Variants in UGT3A1 observed in about 807,000 individuals in gnomAD.
UGT3A1 encodes UDP glycosyltransferase family 3 member A1, also known as UDP-glycosyltransferase 3A1.
In UGT3A1, 40 loss-of-function variants were observed where a neutral mutation model predicts 37.6. The ratio of observed to expected loss-of-function variants is 1.06; its 90% CI spans 0.83 to 1.38. UGT3A1 has a LOEUF of 1.38. Among genes scored for constraint, UGT3A1 ranks in the 40% most tolerant of loss-of-function variants. The pLI, the probability that UGT3A1 is intolerant of heterozygous loss-of-function variation, is 0.00. For synonymous variants in UGT3A1, 256 were observed against 232.3 expected (o/e 1.10, Z -0.93); for missense variants, 642 against 634.2 (o/e 1.01, Z -0.13).
chr5:35,957,124 GA>G, intron 5 of UGT3A1, 63 bp downstream of exon 5: 1 of 1,419,032 alleles, frequency 7.0e-7, no homozygotes, highest in Non-Finnish European at 9.9e-7. Flanking sequence ...CTAGAGGTCA[GA>G]ACACTGACGA....
chr5:35,965,859 A>G lies in UGT3A1; in HGVS notation c.370T>C (p.Leu124=), dbSNP rs1421275221. 5.6e-6 allele frequency: 9 copies of G among 1,608,960 alleles called. 1 individual carries two copies. In the East Asian group the frequency reaches 1.8e-4, roughly 32 times the overall value. ...MEIFGTQCSY[L]LSRKDIMDSL... ...TCCATTATATCCTTTCTGCTTAGCA[A>G]ATAACTACATTGAGTCCCAAATATT... The change falls in exon 4 of 7, where the codon TTG becomes CTG. Residue 124 remains leucine, a synonymous_variant. Transcript: ENST00000274278.
At chr5:35,994,333 TTGTGTGTGTGTGTGTGTG>T (rs35026618), upstream of UGT3A1, among the ~76,000 whole-genome samples, 15 of 138,640 alleles carry the variant, frequency 1.1e-4, no homozygotes, top group East Asian at 6.5e-4. Context: ...TTTGTTTTGT[TTGTGTGTGTGTGTGTGTG>T]TGTGTGTGTG....
chr5:35,996,978 A>C (rs997354750), intron 2 of UGT3A1, among the ~76,000 whole-genome samples: 3 of 152,130 alleles, frequency 2.0e-5, no homozygotes, highest in South Asian at 2.1e-4. Flanking sequence ...GTAGAGAAAA[A>C]CCCAAAGAAA....
chr5:35,988,433 G>A lies in UGT3A1; in HGVS notation c.196+17C>T, dbSNP rs752742360. 1.3e-6 allele frequency: 2 copies of A among 1,562,758 alleles called. No homozygotes were observed. Among genetic ancestry groups the A allele is most frequent in the South Asian group, 1.2e-5 (1 of 83,682 alleles). On this transcript the variant is annotated intron_variant, in intron 2 of 6. Transcript: ENST00000274278. Reference sequence around the variant, plus strand: ...TTAGAGTAAAAGAATATAAAAATTAGTTTTTAAAAAAGATACCTGGGATCA... The same window carrying A: ...TTAGAGTAAAAGAATATAAAAATTAATTTTTAAAAAAGATACCTGGGATCA...
rs943107208 is a variant in UGT3A1, at chr5:35,953,821, T to C, written c.*381A>G. The C allele has an allele frequency of 1.2e-4, 22 of 187,158 alleles. No homozygotes were observed. The highest frequency in any genetic ancestry group is 4.5e-4 in the African/African-American group (19 of 42,672). 11.6% of individuals were successfully genotyped at this position (187,158 alleles called of 1,614,324 possible). A position where few individuals can be genotyped will look rare whatever the true frequency, so the allele number is the denominator to read the frequency against. ...CTGCATAAAATGGAAGAATTTGAAATGGAAGATATGTCAAATATTTCCTGA... is the reference window on the plus strand; with the variant it reads ...CTGCATAAAATGGAAGAATTTGAAACGGAAGATATGTCAAATATTTCCTGA... On this transcript the variant is annotated 3_prime_UTR_variant, in exon 7 of 7. Coordinates refer to ENST00000274278, the MANE Select transcript of UGT3A1 (RefSeq NM_152404.4).
At chr5:35,985,966 G>T (rs1317002439) in intron 2 of UGT3A1, among the ~76,000 whole-genome samples, 2 of 151,960 alleles carry the variant, frequency 1.3e-5, no homozygotes, top group Non-Finnish European at 2.9e-5. Flanking sequence ...TTTTCACAAT[G>T]GATTAATAAC....
In UGT3A1 at chr5:35,957,174, T is replaced by G. The variant is rs771284791; in HGVS notation, c.1075+14A>C. On this transcript the variant is annotated intron_variant, in intron 5 of 6. Transcript: ENST00000274278. Reference sequence around the variant, plus strand: ...GTCAATGGAAAGAGAAGAGCAGACCTAAGCAGTCCTTACCCAGGAGGTCAC... The same window carrying G: ...GTCAATGGAAAGAGAAGAGCAGACCGAAGCAGTCCTTACCCAGGAGGTCAC... The G allele has an allele frequency of 6.2e-7, 1 of 1,610,786 alleles. No homozygotes were observed. The highest frequency in any genetic ancestry group is 8.5e-7 in the Non-Finnish European group (1 of 1,177,330).
rs1561452769 is a variant in UGT3A1, at chr5:35,954,816, T to C, written c.1296-338A>G. 3 of 236,988 alleles carry C rather than the reference T, an allele frequency of 1.3e-5. No homozygotes were observed. The East Asian group carries it at 2.6e-4, about 21-fold the overall frequency. The allele number at this position is 236,988 out of a possible 1,614,324, so 14.7% of individuals were successfully genotyped here. A position where few individuals can be genotyped will look rare whatever the true frequency, so the allele number is the denominator to read the frequency against. ...ATATGACCATATATGAGAGAATATG[T>C]ACCTGATTCAGGGTTTGTGTTTCTG... On this transcript the variant is annotated intron_variant, in intron 6 of 6. Coordinates refer to ENST00000274278, the MANE Select transcript of UGT3A1 (RefSeq NM_152404.4).
intron 2 of UGT3A1, among the ~76,000 whole-genome samples, chr5:35,968,586 T>A (rs756903269): frequency 3.4e-4 from 51 of 152,206 alleles, no homozygotes; most frequent in Non-Finnish European, 6.6e-4. Context: ...AATAGGTTTT[T>A]ATTCAGTCAA....
In UGT3A1 at chr5:35,988,570, G is replaced by A; in HGVS notation, c.95-19C>T. The A allele has an allele frequency of 1.9e-6, 3 of 1,570,056 alleles. No homozygotes were observed. The highest frequency in any genetic ancestry group is 4.5e-5 in the East Asian group (2 of 44,614). Reference sequence around the variant, plus strand: ...CTTCCACCTAGAAACAATGCACAATGTCTTTTGTAAAGATGAAAATAGAGT... The same window carrying A: ...CTTCCACCTAGAAACAATGCACAATATCTTTTGTAAAGATGAAAATAGAGT... On this transcript the variant is annotated intron_variant, in intron 1 of 6. Transcript: ENST00000274278.
intron 4 of UGT3A1, among the ~76,000 whole-genome samples, chr5:35,960,384 TG>T (rs1739529215): frequency 6.6e-6 from 1 of 152,208 alleles, no homozygotes; most frequent in Non-Finnish European, 1.5e-5. Context: ...TTTTGCATTA[TG>T]GTCAAATAAA....
chr5:35,979,569 TA>T (rs150577097), intron 2 of UGT3A1, among the ~76,000 whole-genome samples: 5,812 of 151,990 alleles, frequency 0.038, 373 homozygotes, highest in African/African-American at 0.13. Context: ...TTGTTTTTGT[TA>T]AAAAAAATTC....
In UGT3A1 at chr5:35,991,150, G is replaced by A. The variant is rs745456757; in HGVS notation, c.91C>T (p.Leu31=). Residue 31 remains leucine (L), a synonymous_variant, in exon 1 of 7, where the codon CTG becomes TTG. Coordinates refer to ENST00000274278, the MANE Select transcript of UGT3A1 (RefSeq NM_152404.4). Reference sequence around the variant, plus strand: ...AATTCTCCGGCCAAGCACTCACCCAGTGTAGATATTGTCAGGATTTTGGCA... The same window carrying A: ...AATTCTCCGGCCAAGCACTCACCCAATGTAGATATTGTCAGGATTTTGGCA... ...EAAKILTIST[L]GGSHYLLLDR... The A allele has an allele frequency of 1.2e-6, 2 of 1,614,238 alleles. No individual in the cohort carries two copies. Among genetic ancestry groups the A allele is most frequent in the African/African-American group, 1.3e-5 (1 of 75,066 alleles).
intron 2 of UGT3A1, among the ~76,000 whole-genome samples, chr5:35,996,571 G>T (rs1187738669): frequency 2.0e-5 from 3 of 152,146 alleles, no homozygotes; most frequent in Non-Finnish European, 4.4e-5. Context: ...TTTCTAATAT[G>T]CCCTGGGGCC....
intron 2 of UGT3A1, 124 bp downstream of exon 2, chr5:35,988,326 C>A: frequency 1.5e-6 from 1 of 656,966 alleles, no homozygotes; most frequent in Non-Finnish European, 2.5e-6. Context: ...TCCACACACA[C>A]ATTTATTCAT....
upstream of UGT3A1, among the ~76,000 whole-genome samples, chr5:35,994,395 G>T (rs1211628350): frequency 2.1e-5 from 3 of 144,662 alleles, no homozygotes; most frequent in Non-Finnish European, 4.5e-5. Context: ...TCCCCTATCA[G>T]GTTTGACCAA....
At chr5:35,975,950 T>C (rs1219782233) in intron 2 of UGT3A1, among the ~76,000 whole-genome samples, 1 of 152,208 alleles carries the variant, frequency 6.6e-6, no homozygotes, top group Non-Finnish European at 1.5e-5. Flanking sequence ...ACATCTAATA[T>C]ATGATGTTTC....
At chr5:35,988,709 A>G (rs1443220214) in intron 1 of UGT3A1, among the ~76,000 whole-genome samples, 158 bp from the exon 2 acceptor site, 2 of 152,166 alleles carry the variant, frequency 1.3e-5, no homozygotes, top group African/African-American at 2.4e-5. Context: ...CTGTTCCTCA[A>G]TCTCACTTTG....
intron 2 of UGT3A1, among the ~76,000 whole-genome samples, chr5:35,986,598 A>C (rs1379535140): frequency 1.3e-5 from 2 of 152,138 alleles, no homozygotes; most frequent in Non-Finnish European, 2.9e-5. Flanking sequence ...CAATGTTCTC[A>C]CCCATATGCA....
Sources: allele counts gnomAD v4.1 joint callset (sites outside exome capture counted in the v4.1 genomes callset), GRCh38; gene constraint gnomAD v4.1.1; transcripts MANE v1.5; gene names NCBI Gene and HGNC (gene_info 2026-07-23, HGNC 2026-07-21).